Variants in ASTN1 observed in about 807,000 individuals in gnomAD.
ASTN1 encodes astrotactin 1.
In ASTN1, 41 loss-of-function variants were observed where a neutral mutation model predicts 140.7. That is an observed-to-expected ratio of 0.29 (90% CI 0.23 to 0.38). ASTN1 has a LOEUF of 0.38. ASTN1 is among the 10% of genes least tolerant of loss of function. The pLI, the probability that ASTN1 is intolerant of heterozygous loss-of-function variation, is 1.00. For missense variants in ASTN1, 1,479 were observed against 1,678.8 expected (o/e 0.88, Z 2.08); for synonymous variants, 640 against 652.2 (o/e 0.98, Z 0.29).
intron 8 of ASTN1, among the ~76,000 whole-genome samples, chr1:177,011,645 T>TCA (rs141786335): frequency 0.016 from 2,297 of 143,870 alleles, 22 homozygotes; most frequent in Non-Finnish European, 0.024. Flanking sequence ...CAGGCACCAC[T>TCA]CACACACACA....
At chr1:176,997,469 G>A (rs761205023) in intron 8 of ASTN1, among the ~76,000 whole-genome samples, 3 of 151,896 alleles carry the variant, frequency 2.0e-5, no homozygotes, top group Non-Finnish European at 4.4e-5. Flanking sequence ...GATCAAATAG[G>A]GTGTCTGACA....
chr1:177,131,656 C>T (rs746310613), intron 1 of ASTN1, among the ~76,000 whole-genome samples: 8 of 152,024 alleles, frequency 5.3e-5, no homozygotes, highest in East Asian at 1.9e-4. Context: ...AACATACCTA[C>T]GTGTCAGAAG....
intron 17 of ASTN1, among the ~76,000 whole-genome samples, chr1:176,893,351 C>T (rs139181422): frequency 7.7e-4 from 118 of 152,262 alleles, no homozygotes; most frequent in African/African-American, 2.7e-3. Flanking sequence ...TATGGTGACC[C>T]AAGCCCTCTG....
intron 8 of ASTN1, among the ~76,000 whole-genome samples, chr1:176,996,614 G>A (rs1268681603): frequency 1.3e-5 from 2 of 152,114 alleles, no homozygotes; most frequent in Admixed American, 1.3e-4. Flanking sequence ...TGCAGTTCAG[G>A]GCCAGAGGAG....
Position 176,894,816 on chromosome 1 carries a change from C to T in ASTN1, c.2686G>A (p.Asp896Asn). ...TCTCTTTCCCGCTCCTCAGACTCATCTGATGGGGAGTTGCCTGCAGACACA... is the reference window on the plus strand; with the variant it reads ...TCTCTTTCCCGCTCCTCAGACTCATTTGATGGGGAGTTGCCTGCAGACACA... ...EDISKGNSPSDESEERERDPK... is the reference protein window; with the variant it reads ...EDISKGNSPSNESEERERDPK... The change falls in exon 17 of 23, where the codon GAT becomes AAT. Residue 896 changes from aspartate (D) to asparagine (N), a missense_variant. Transcript: ENST00000361833. The T allele has an allele frequency of 6.2e-7, 1 of 1,613,870 alleles. No homozygotes were observed. Among genetic ancestry groups the T allele is most frequent in the Non-Finnish European group, 8.5e-7 (1 of 1,180,052 alleles).
At chr1:177,115,984 A>G (rs1681068312) in intron 1 of ASTN1, among the ~76,000 whole-genome samples, 1 of 152,216 alleles carries the variant, frequency 6.6e-6, no homozygotes, top group Non-Finnish European at 1.5e-5. Flanking sequence ...ATATCTTTAC[A>G]TGATGAATCT....
intron 7 of ASTN1, 52 bp from the exon 8 acceptor site, chr1:177,014,927 C>A (rs764756120): frequency 5.0e-5 from 75 of 1,500,428 alleles, no homozygotes; most frequent in Middle Eastern, 1.7e-4. Flanking sequence ...AATTGATTAA[C>A]ATGTCTGTGT....
At chr1:177,122,424 G>A (rs1014327742) in intron 1 of ASTN1, among the ~76,000 whole-genome samples, 2 of 152,136 alleles carry the variant, frequency 1.3e-5, no homozygotes, top group Non-Finnish European at 2.9e-5. Flanking sequence ...TGGCTCAAAC[G>A]TACTTGATTG....
At position 176,864,017 on chromosome 1, in the gene ASTN1, T is replaced by G. The variant is rs1668049480; in HGVS notation, c.*267A>C. 8.1e-7 allele frequency: 1 copy of G among 1,241,040 alleles called. No individual in the cohort carries two copies. Among genetic ancestry groups the G allele is most frequent in the Admixed American group, 4.0e-5 (1 of 25,056 alleles). The allele number at this position is 1,241,040 out of a possible 1,614,324, so 76.9% of individuals were successfully genotyped here. ...GGAAAAAAAAATGAATGGAACAAAT[T>G]AATGGCAAAGCAAACCCCAAAGTAA... On this transcript the variant is annotated 3_prime_UTR_variant, in exon 23 of 23. Transcript: ENST00000361833.
intron 8 of ASTN1, among the ~76,000 whole-genome samples, chr1:177,008,483 A>G (rs1675110822): frequency 6.9e-6 from 1 of 143,998 alleles, no homozygotes; most frequent in South Asian, 2.3e-4. Flanking sequence ...GAGGGAGAGG[A>G]AGAGAGAGAG....
chr1:176,949,482 T>G (rs925154855), intron 11 of ASTN1, 131 bp from the exon 12 acceptor site: 1 of 1,048,034 alleles, frequency 9.5e-7, no homozygotes, highest in Non-Finnish European at 1.3e-6. Context: ...AAGTAATCCA[T>G]GAATTTCCTA....
intron 5 of ASTN1, among the ~76,000 whole-genome samples, chr1:177,028,260 A>G (rs1278170595): frequency 6.6e-6 from 1 of 152,208 alleles, no homozygotes; most frequent in Non-Finnish European, 1.5e-5. Flanking sequence ...GGCCTGGATT[A>G]GCTGGGCCTA....
At chr1:176,929,184 T>G (rs1309900824) in intron 16 of ASTN1, among the ~76,000 whole-genome samples, 1 of 152,174 alleles carries the variant, frequency 6.6e-6, no homozygotes, top group African/African-American at 2.4e-5. Context: ...GAAAAATGGC[T>G]CCCATAGTCC....
At chr1:177,094,879 T>C (rs1679953337) in intron 1 of ASTN1, among the ~76,000 whole-genome samples, 1 of 152,142 alleles carries the variant, frequency 6.6e-6, no homozygotes, top group Non-Finnish European at 1.5e-5. Flanking sequence ...TTCATCTTCT[T>C]AGAGAATACC....
chr1:176,871,436 C>T (rs1006337093), intron 21 of ASTN1, among the ~76,000 whole-genome samples: 1 of 152,162 alleles, frequency 6.6e-6, no homozygotes, highest in African/African-American at 2.4e-5. Context: ...ACGCCAGGCC[C>T]TGGTTGTGGT....
chr1:177,075,645 C>CTTTTTTTTTTTTTTTTTTTTTTTTTTTT (rs5778927), intron 1 of ASTN1, among the ~76,000 whole-genome samples: 3 of 99,548 alleles, frequency 3.0e-5, no homozygotes, highest in Non-Finnish European at 5.7e-5. Context: ...CTTTTCTTTT[C>CTTTTTTTTTTTTTTTTTTTTTTTTTTTT]TTTTTTTTTT....
rs1672317875 is a variant in ASTN1 at position 176,954,455 on chromosome 1, A to G, written c.1887+3223T>C. ...ATTCCCCCTAGAGCCTCCAGAAAGA[A>G]TTGCAGTCCTGGTGGCATTTTGATT... On this transcript the variant is annotated intron_variant, in intron 11 of 22. Transcript: ENST00000361833. 2.0e-5 allele frequency among the ~76,000 whole-genome samples: 3 copies of G among 152,228 alleles called. No homozygotes were observed. In the South Asian group the frequency reaches 6.2e-4, roughly 32 times the overall value.
chr1:176,897,568 A>AG (rs377732001), intron 16 of ASTN1, among the ~76,000 whole-genome samples: 3 of 149,836 alleles, frequency 2.0e-5, no homozygotes, highest in East Asian at 1.9e-4. Flanking sequence ...CGTGAGCGGG[A>AG]GGAAAAAAAA....
chr1:176,975,964 C>T (rs1673345070), intron 8 of ASTN1: 1 of 152,066 alleles, frequency 6.6e-6, no homozygotes, highest in South Asian at 2.1e-4. Flanking sequence ...AATATAATTG[C>T]CATAGAAACA....
Sources: allele counts gnomAD v4.1 joint callset (sites outside exome capture counted in the v4.1 genomes callset), GRCh38; gene constraint gnomAD v4.1.1; transcripts MANE v1.5; gene names NCBI Gene and HGNC (gene_info 2026-07-23, HGNC 2026-07-21).